The following UTRN variants were observed in gnomAD, a reference collection of about 807,000 sequenced individuals.
The protein encoded by UTRN is dystrophin-related protein 1.
Under a neutral mutation model 463.9 loss-of-function variants are expected in UTRN, and 283 were observed. The observed-to-expected ratio is 0.61, with a 90% confidence interval of 0.55 to 0.67. The LOEUF is 0.67. UTRN is among the 30% of genes least tolerant of loss of function. The pLI is 0.00. For synonymous variants in UTRN, 1,442 were observed against 1,431.5 expected (o/e 1.01, Z -0.17); for missense variants, 3,922 against 4,084.3 (o/e 0.96, Z 1.08).
chr6:144,625,524 G>A (rs1775855079), intron 51 of UTRN, among the ~76,000 whole-genome samples: 1 of 152,172 alleles, frequency 6.6e-6, no homozygotes. Flanking sequence ...GGCATGTAAA[G>A]AATACTGGTC....
intron 23 of UTRN, among the ~76,000 whole-genome samples, chr6:144,464,053 T>C (rs1283865161): frequency 6.6e-6 from 1 of 152,012 alleles, no homozygotes; most frequent in African/African-American, 2.4e-5. Flanking sequence ...TATTTGGATC[T>C]AGATCTAAAT....
At chr6:144,507,351 G>T (rs1794772952) in intron 34 of UTRN, among the ~76,000 whole-genome samples, 1 of 151,962 alleles carries the variant, frequency 6.6e-6, no homozygotes, top group Non-Finnish European at 1.5e-5. Context: ...AGACATCCTG[G>T]TTTTTGGAAT....
At chr6:144,698,411 G>T (rs1162340151) in intron 52 of UTRN, among the ~76,000 whole-genome samples, 1 of 152,186 alleles carries the variant, frequency 6.6e-6, no homozygotes. Flanking sequence ...TTTGAACTTC[G>T]TTCTGTATTT....
chr6:144,608,644 T>C (rs1805136645), intron 51 of UTRN, among the ~76,000 whole-genome samples: 1 of 152,126 alleles, frequency 6.6e-6, no homozygotes, highest in Non-Finnish European at 1.5e-5. Flanking sequence ...AAAAGTGAAT[T>C]GGAGGAGGAT....
chr6:144,690,416 A>G (rs900820836), intron 52 of UTRN, among the ~76,000 whole-genome samples: 19 of 151,990 alleles, frequency 1.3e-4, no homozygotes, highest in Non-Finnish European at 2.8e-4. Flanking sequence ...AACAGCTAGC[A>G]AAGTTCCAGC....
chr6:144,556,563 A>G (rs990255294), intron 49 of UTRN, among the ~76,000 whole-genome samples: 2 of 152,344 alleles, frequency 1.3e-5, no homozygotes, highest in Middle Eastern at 3.4e-3. Flanking sequence ...TTTAGATTTC[A>G]TGGTGAGTAC....
intron 51 of UTRN, among the ~76,000 whole-genome samples, chr6:144,648,798 A>G (rs577133898): frequency 6.6e-6 from 1 of 152,334 alleles, no homozygotes; most frequent in African/African-American, 2.4e-5. Context: ...CTTTTCTATT[A>G]TGGCAAAACA....
chr6:144,470,225 C>T lies in UTRN; in HGVS notation c.3067-3495C>T, dbSNP rs531540645. 5.3e-5 allele frequency among the ~76,000 whole-genome samples: 8 copies of T among 152,360 alleles called. No individual in the cohort carries two copies. The South Asian group carries it at 6.2e-4, about 12-fold the overall frequency. ...TCAATGAGCTGTTGGGTACACCTCCCAGACGGGGTGGCGGCCGGGCAGAGG... is the reference window on the plus strand; with the variant it reads ...TCAATGAGCTGTTGGGTACACCTCCTAGACGGGGTGGCGGCCGGGCAGAGG... On this transcript the variant is annotated intron_variant, in intron 23 of 74. Transcript: ENST00000367545.
At chr6:144,584,260 G>A (rs533833289) in intron 51 of UTRN, among the ~76,000 whole-genome samples, 1 of 152,090 alleles carries the variant, frequency 6.6e-6, no homozygotes, top group Non-Finnish European at 1.5e-5. Context: ...ATCAGCTGCT[G>A]TATTTTTTTA....
chr6:144,362,186 T>A (rs1307746193), intron 2 of UTRN, among the ~76,000 whole-genome samples: 1 of 152,194 alleles, frequency 6.6e-6, no homozygotes, highest in East Asian at 1.9e-4. Context: ...GCTGAGATCC[T>A]GGTGTGGGCA....
At chr6:144,591,521 A>G (rs1161370406) in intron 51 of UTRN, among the ~76,000 whole-genome samples, 1 of 152,184 alleles carries the variant, frequency 6.6e-6, no homozygotes, top group East Asian at 1.9e-4. Flanking sequence ...GCTGATTGAC[A>G]TAAAACCTCA....
chr6:144,718,965 C>G (rs1253719624), intron 53 of UTRN, among the ~76,000 whole-genome samples: 1 of 152,168 alleles, frequency 6.6e-6, no homozygotes, highest in Non-Finnish European at 1.5e-5. Flanking sequence ...CTTTGACTTT[C>G]ACCAGTGAGG....
intron 9 of UTRN, among the ~76,000 whole-genome samples, chr6:144,432,516 A>G (rs1372451400): frequency 6.6e-6 from 1 of 152,184 alleles, no homozygotes; most frequent in Non-Finnish European, 1.5e-5. Flanking sequence ...TTGAAAGATC[A>G]TTCTGGCTGC....
Position 144,499,266 on chromosome 6 carries a change from G to A in UTRN, c.4603G>A (p.Gly1535Arg), listed in dbSNP as rs780020473. The part of the protein sequence containing the change: ...YNDLGAQVTE[G>R]KQDLERASQL... The stretch of plus-strand genomic sequence containing the variant: ...CCTCTCTCCGTCTCAGGTGACAGAA[G>A]GAAAACAGGATCTGGAAAGAGCATC... Residue 1535 changes from glycine (G) to arginine (R), a missense_variant, in exon 34 of 75, where the codon GGA becomes AGA. Transcript: ENST00000367545. 2 of 1,611,032 alleles carry A rather than the reference G, an allele frequency of 1.2e-6. No homozygotes were observed. The highest frequency in any genetic ancestry group is 2.2e-5 in the South Asian group (2 of 90,750).
Position 144,521,998 on chromosome 6 carries a change from A to G in UTRN, c.5560A>G (p.Arg1854Gly). 1 of 1,571,046 alleles carries G rather than the reference A, an allele frequency of 6.4e-7. No individual in the cohort carries two copies. The highest frequency in any genetic ancestry group is 1.2e-5 in the South Asian group (1 of 83,234). Residue 1854 changes from arginine (R) to glycine (G), a missense_variant, in exon 40 of 75, where the codon AGG becomes GGG. Arg to Gly is a moderately radical substitution (Grantham distance 125, BLOSUM62 -2). This residue lies in a region of UTRN where 2,349 missense variants were observed against 2,303.8 expected (regional missense o/e 1.02). Transcript: ENST00000367545. Reference sequence around the variant, plus strand: ...TTTGTAGGCAATCCCTATTCAACAGAGGAAAATGGGTCAACTTGCTTCTGG... The same window carrying G: ...TTTGTAGGCAATCCCTATTCAACAGGGGAAAATGGGTCAACTTGCTTCTGG... ...NKIKAIPIQQ[R>G]KMGQLASGIR...
intron 2 of UTRN, among the ~76,000 whole-genome samples, chr6:144,322,720 C>T (rs1252951740): frequency 6.6e-6 from 1 of 152,090 alleles, no homozygotes; most frequent in African/African-American, 2.4e-5. Context: ...GGGCGGATCA[C>T]GAGGTCAGGA....
intron 68 of UTRN, among the ~76,000 whole-genome samples, chr6:144,828,132 T>C (rs1780352017): frequency 6.6e-6 from 1 of 152,186 alleles, no homozygotes; most frequent in African/African-American, 2.4e-5. Flanking sequence ...AAAAGTGGTA[T>C]ATACTAGGTG....
rs181597673 is a variant in UTRN, at chr6:144,287,037, C to T, written c.-93+1216C>T. ...TGAGCCGACCCTCCCGGCCGCCCGGCCGGGCGGCAGCGACCGCATCCATTC... is the reference window on the plus strand; with the variant it reads ...TGAGCCGACCCTCCCGGCCGCCCGGTCGGGCGGCAGCGACCGCATCCATTC... On this transcript the variant is annotated intron_variant, in intron 1 of 74. Transcript: ENST00000367545. Among the ~76,000 whole-genome samples, 1,486 of 152,240 alleles carry T rather than the reference C, an allele frequency of 9.8e-3. 95 individuals carry two copies. Among genetic ancestry groups the T allele is most frequent in the Admixed American group, 0.087 (1,327 of 15,306 alleles).
chr6:144,780,126 T>A (rs1197253861), intron 60 of UTRN, among the ~76,000 whole-genome samples: 2 of 152,214 alleles, frequency 1.3e-5, no homozygotes, highest in Non-Finnish European at 2.9e-5. Context: ...TATTAGTTAT[T>A]CAGTGGTTAC....
Sources: gnomAD v4.1 joint callset for allele counts (sites outside exome capture counted in the v4.1 genomes callset) on GRCh38, gnomAD v4.1.1 for gene constraint, gnomAD v4.1.1 regional missense constraint, MANE v1.5 for transcripts, NCBI Gene and HGNC (gene_info 2026-07-23, HGNC 2026-07-21) for gene names.